The following MSRA variants were observed in gnomAD, a reference collection of about 807,000 sequenced individuals.
The protein encoded by MSRA is methionine sulfoxide reductase A, also known as mitochondrial peptide methionine sulfoxide reductase.
A neutral mutation model predicts 31.3 loss-of-function variants in MSRA; 54 were observed. The ratio of observed to expected loss-of-function variants is 1.73; its 90% confidence interval spans 1.39 to 2.17. The LOEUF is 2.17. Among genes scored for constraint, MSRA ranks in the 30% most tolerant of loss-of-function variants. MSRA has a pLI of 0.00. For synonymous variants in MSRA, 169 were observed against 116.5 expected, an observed-to-expected ratio of 1.45 and a Z score of -2.90; for missense variants, 507 against 300.9, an observed-to-expected ratio of 1.69 and a Z score of -5.07.
At chr8:10,350,756 C>T (rs750758045) in intron 5 of MSRA, among the ~76,000 whole-genome samples, 1 of 152,226 alleles carries the variant, frequency 6.6e-6, no homozygotes, top group African/African-American at 2.4e-5. Context: ...ACGGAGCAGA[C>T]CGAGCCCCCA....
rs1404893612 is a variant in MSRA, at chr8:10,281,867, G to A, written c.332-19667G>A. 2.6e-5 allele frequency among the ~76,000 whole-genome samples: 4 copies of A among 152,136 alleles called. No individual in the cohort carries two copies. The South Asian group carries it at 6.2e-4, about 24-fold the overall frequency. ...GCTTATCACCAAGCACAATAGTGAC[G>A]GCTTCTTAGCCACGTTTCTAATTAT... On this transcript the variant is annotated intron_variant, in intron 3 of 5. Transcript: ENST00000317173.
intron 1 of MSRA, among the ~76,000 whole-genome samples, chr8:10,084,532 A>T (rs1165365937): frequency 6.6e-6 from 1 of 152,218 alleles, no homozygotes; most frequent in Non-Finnish European, 1.5e-5. Context: ...CTGGAGACAG[A>T]CTACCTGGGT....
At chr8:10,409,463 G>A (rs756899920) in intron 5 of MSRA, among the ~76,000 whole-genome samples, 1 of 152,206 alleles carries the variant, frequency 6.6e-6, no homozygotes, top group Admixed American at 6.5e-5. Context: ...GGCAGATTTG[G>A]TGAGTGGTTG....
intron 1 of MSRA, among the ~76,000 whole-genome samples, chr8:10,055,578 C>CT (rs1802311448): frequency 6.6e-6 from 1 of 152,230 alleles, no homozygotes; most frequent in South Asian, 2.1e-4. Context: ...CCAACAATCT[C>CT]TAAAACAAGT....
chr8:10,234,033 T>C (rs907315165), intron 2 of MSRA, among the ~76,000 whole-genome samples: 1 of 152,156 alleles, frequency 6.6e-6, no homozygotes, highest in East Asian at 1.9e-4. Flanking sequence ...TTCAAAGTAT[T>C]GATGAAATGT....
chr8:10,335,695 G>A (rs1426314910), intron 5 of MSRA, among the ~76,000 whole-genome samples: 3 of 152,190 alleles, frequency 2.0e-5, no homozygotes, highest in African/African-American at 7.2e-5. Context: ...AAGAGAGCCA[G>A]CCACACCCAG....
intron 2 of MSRA, among the ~76,000 whole-genome samples, chr8:10,228,293 G>C (rs1035474065): frequency 6.6e-6 from 1 of 152,150 alleles, no homozygotes; most frequent in Non-Finnish European, 1.5e-5. Context: ...CCTTTGAAGA[G>C]GCCAGGGAGC....
chr8:10,271,421 T>C (rs1799031576), intron 3 of MSRA, among the ~76,000 whole-genome samples: 1 of 152,190 alleles, frequency 6.6e-6, no homozygotes, highest in Admixed American at 6.5e-5. Context: ...CCAAATACGA[T>C]GTGAGGACTA....
intron 3 of MSRA, among the ~76,000 whole-genome samples, chr8:10,274,031 C>T: frequency 6.6e-6 from 1 of 152,238 alleles, no homozygotes; most frequent in South Asian, 2.1e-4. Context: ...AAGGGAGAAG[C>T]CCCTTCTTCC....
intron 5 of MSRA, among the ~76,000 whole-genome samples, chr8:10,331,068 T>C (rs989582395): frequency 1.3e-5 from 2 of 152,208 alleles, no homozygotes; most frequent in African/African-American, 2.4e-5. Context: ...ACAGAAGTCA[T>C]GTGAACACAA....
At chr8:10,175,017 C>T (rs1051413489) in intron 1 of MSRA, among the ~76,000 whole-genome samples, 1 of 152,176 alleles carries the variant, frequency 6.6e-6, no homozygotes, top group Non-Finnish European at 1.5e-5. Context: ...CTGACGTTCT[C>T]TGACTCATCC....
chr8:10,267,849 T>C (rs1798826845), intron 3 of MSRA, among the ~76,000 whole-genome samples: 1 of 152,178 alleles, frequency 6.6e-6, no homozygotes, highest in Non-Finnish European at 1.5e-5. Context: ...TTTTTTCATT[T>C]TATGTGGAAA....
chr8:10,374,244 T>C (rs1805633727), intron 5 of MSRA, among the ~76,000 whole-genome samples: 1 of 152,204 alleles, frequency 6.6e-6, no homozygotes, highest in Admixed American at 6.5e-5. Context: ...GAATGTAATT[T>C]TGAGACTATG....
At chr8:10,238,721 A>G (rs1812156758) in intron 2 of MSRA, among the ~76,000 whole-genome samples, 2 of 152,202 alleles carry the variant, frequency 1.3e-5, no homozygotes, top group African/African-American at 4.8e-5. Flanking sequence ...GGAAAAAAGT[A>G]AACTGAATCC....
intron 2 of MSRA, among the ~76,000 whole-genome samples, chr8:10,241,901 C>T (rs1797344177): frequency 3.3e-5 from 5 of 152,172 alleles, no homozygotes; most frequent in Admixed American, 2.0e-4. Flanking sequence ...GTGTGAGAAA[C>T]TGAACAGGTC....
intron 3 of MSRA, among the ~76,000 whole-genome samples, chr8:10,256,336 C>T (rs1798178170): frequency 6.6e-6 from 1 of 152,120 alleles, no homozygotes; most frequent in Non-Finnish European, 1.5e-5. Flanking sequence ...TATTCCATGG[C>T]CTGGATGTAC....
At chr8:10,098,593 C>G (rs1799328169) in intron 1 of MSRA, among the ~76,000 whole-genome samples, 1 of 152,142 alleles carries the variant, frequency 6.6e-6, no homozygotes, top group Admixed American at 6.5e-5. Flanking sequence ...AAAGGCAGTA[C>G]TATAATGAGA....
At chr8:10,168,636 G>A (rs992822109) in intron 1 of MSRA, among the ~76,000 whole-genome samples, 2 of 152,184 alleles carry the variant, frequency 1.3e-5, no homozygotes, top group African/African-American at 4.8e-5. Flanking sequence ...GCTCAGAGAA[G>A]GGAAGCAACT....
At chr8:10,074,619 G>A (rs892155315) in intron 1 of MSRA, among the ~76,000 whole-genome samples, 1 of 152,028 alleles carries the variant, frequency 6.6e-6, no homozygotes, top group Non-Finnish European at 1.5e-5. Flanking sequence ...TCTCTCCCCA[G>A]AACATGGCTT....
Sources: gnomAD v4.1 joint callset for allele counts (sites outside exome capture counted in the v4.1 genomes callset) on GRCh38, gnomAD v4.1.1 for gene constraint, MANE v1.5 for transcripts, NCBI Gene and HGNC (gene_info 2026-07-23, HGNC 2026-07-21) for gene names.